PRKG1: variants seen among roughly 807,000 people sequenced by gnomAD.
The protein encoded by PRKG1 is cGMP-dependent protein kinase 1.
A neutral mutation model predicts 88.1 loss-of-function variants in PRKG1; 35 were observed. That is an observed-to-expected ratio of 0.40 (90% CI 0.30 to 0.53). The LOEUF (loss-of-function observed/expected upper bound fraction) is 0.53, where lower values mean the gene tolerates loss of function less well. Ranked by LOEUF, PRKG1 falls within the 20% of genes least tolerant of loss-of-function variation. The probability of loss-of-function intolerance (pLI) is 0.59; values close to 1 mark genes in which losing one functional copy is unlikely to be tolerated. For synonymous variants in PRKG1, 303 were observed against 292.5 expected (o/e 1.04, Z -0.37); for missense variants, 540 against 839.8 (o/e 0.64, Z 4.41).
chr10:52,035,311 G>A (rs1035650498), intron 5 of PRKG1, among the ~76,000 whole-genome samples: 14 of 152,124 alleles, frequency 9.2e-5, no homozygotes, highest in African/African-American at 2.9e-4. Flanking sequence ...CTTGAGCTTG[G>A]TGTGTAGGGA....
At chr10:51,255,366 T>A (rs956388012) in intron 2 of PRKG1, among the ~76,000 whole-genome samples, 1 of 152,132 alleles carries the variant, frequency 6.6e-6, no homozygotes, top group Non-Finnish European at 1.5e-5. Flanking sequence ...CAAGGGCTTG[T>A]GTAGTCCAGG....
intron 9 of PRKG1, among the ~76,000 whole-genome samples, chr10:52,246,470 AT>A (rs1841024141): frequency 6.6e-6 from 1 of 152,152 alleles, no homozygotes; most frequent in Non-Finnish European, 1.5e-5. Flanking sequence ...GTAACTTTAC[AT>A]TTTTATTGTT....
At chr10:51,494,200 G>A (rs61498703) in intron 3 of PRKG1, among the ~76,000 whole-genome samples, 2,613 of 152,230 alleles carry the variant, frequency 0.017, 54 homozygotes, top group African/African-American at 0.044. Context: ...TGGGATTACA[G>A]ACCTGAGGCA....
chr10:51,205,120 T>A (rs1266368218), intron 2 of PRKG1, among the ~76,000 whole-genome samples: 1 of 106,978 alleles, frequency 9.3e-6, no homozygotes, highest in Non-Finnish European at 1.9e-5. Flanking sequence ...AATTTTCATT[T>A]TCTTTTCTTT....
In PRKG1 at chr10:52,209,121, G is replaced by A. The variant is rs1839892072; in HGVS notation, c.1077-42449G>A. ...GTTGCCATTAAGCTTCTCTTACTAA[G>A]AGGAATATTGCCCTGGAGTAGGGGG... On this transcript the variant is annotated intron_variant, in intron 9 of 17. Coordinates refer to ENST00000373980, the MANE Select transcript of PRKG1 (RefSeq NM_006258.4). Among the ~76,000 whole-genome samples, 4 of 152,160 alleles carry A rather than the reference G, an allele frequency of 2.6e-5. No individual in the cohort carries two copies. The South Asian group carries it at 8.3e-4, about 32-fold the overall frequency.
intron 1 of PRKG1, among the ~76,000 whole-genome samples, chr10:51,065,823 A>T (rs901769453): frequency 6.6e-6 from 1 of 152,120 alleles, no homozygotes; most frequent in Non-Finnish European, 1.5e-5. Flanking sequence ...TGGGAGATGT[A>T]TCTATCTAAC....
chr10:52,275,866 G>A (rs1841861375), intron 12 of PRKG1, among the ~76,000 whole-genome samples: 1 of 152,006 alleles, frequency 6.6e-6, no homozygotes, highest in Non-Finnish European at 1.5e-5. Flanking sequence ...GTGTTTTGTA[G>A]TTTTTCTGGT....
At chr10:52,272,677 G>A (rs1169319052) in intron 12 of PRKG1, among the ~76,000 whole-genome samples, 196 bp downstream of exon 12, 1 of 152,012 alleles carries the variant, frequency 6.6e-6, no homozygotes, top group African/African-American at 2.4e-5. Flanking sequence ...AACTCACTTT[G>A]TAACTAACAA....
intron 3 of PRKG1, among the ~76,000 whole-genome samples, chr10:51,497,171 T>C (rs149968215): frequency 2.8e-4 from 42 of 152,294 alleles, no homozygotes; most frequent in African/African-American, 8.4e-4. Context: ...ATTATTGGGA[T>C]AAAATAAAGG....
chr10:51,954,350 G>T (rs946757394), intron 5 of PRKG1, among the ~76,000 whole-genome samples: 4 of 152,182 alleles, frequency 2.6e-5, no homozygotes, highest in African/African-American at 4.8e-5. Context: ...TAGGAACCAA[G>T]AATTAAATTA....
chr10:51,086,786 C>A (rs949921328), intron 1 of PRKG1, among the ~76,000 whole-genome samples: 1 of 152,080 alleles, frequency 6.6e-6, no homozygotes, highest in Admixed American at 6.5e-5. Context: ...CTCGAGTGAC[C>A]CTTTCTCATC....
chr10:51,091,752 C>T (rs1471493017), intron 1 of PRKG1, among the ~76,000 whole-genome samples: 2 of 152,144 alleles, frequency 1.3e-5, no homozygotes, highest in African/African-American at 2.4e-5. Context: ...TTATAGAATA[C>T]TTACGGTGTG....
rs187757783 is a variant in PRKG1, at chr10:51,459,916, G to A, written c.479-7807G>A. On this transcript the variant is annotated intron_variant, in intron 2 of 17. Transcript: ENST00000373980. ...AACCTGATGCTGCCCTTTTATCTAGGTTGTAATTTACATTTGGTGGAAGTT... is the reference window on the plus strand; with the variant it reads ...AACCTGATGCTGCCCTTTTATCTAGATTGTAATTTACATTTGGTGGAAGTT... 3.4e-3 allele frequency among the ~76,000 whole-genome samples: 515 copies of A among 152,224 alleles called. 5 individuals carry two copies. Among genetic ancestry groups the A allele is most frequent in the African/African-American group, 0.012 (495 of 41,534 alleles).
intron 5 of PRKG1, among the ~76,000 whole-genome samples, chr10:52,008,112 G>A (rs1589511462): frequency 6.6e-6 from 1 of 152,044 alleles, no homozygotes; most frequent in East Asian, 1.9e-4. Flanking sequence ...AGAATCTCTG[G>A]GACACAGCTA....
In PRKG1 at chr10:51,019,551, A is replaced by G. The variant is rs373853442; in HGVS notation, c.266+27907A>G. Among the ~76,000 whole-genome samples, 4 of 152,190 alleles carry G rather than the reference A, an allele frequency of 2.6e-5. No homozygotes were observed. The South Asian group carries it at 8.3e-4, about 31-fold the overall frequency. ...CTAAAACCATAAGGCTCTTAGAATA[A>G]AACATATGGGGAAAGCTTCAAAACA... is the stretch of plus-strand genomic sequence containing the variant. On this transcript the variant is annotated intron_variant, in intron 1 of 17. Transcript: ENST00000401604.
chr10:52,197,040 G>C (rs748570246), intron 9 of PRKG1, among the ~76,000 whole-genome samples: 2 of 152,074 alleles, frequency 1.3e-5, no homozygotes, highest in African/African-American at 2.4e-5. Flanking sequence ...CTTTGTGCAG[G>C]TTCACTACAA....
intron 3 of PRKG1, among the ~76,000 whole-genome samples, chr10:51,592,062 C>A (rs1449726799): frequency 1.3e-5 from 2 of 152,140 alleles, no homozygotes; most frequent in Non-Finnish European, 2.9e-5. Flanking sequence ...TCCAGAAGGA[C>A]ACTCTGCAAA....
At chr10:51,727,715 T>C (rs1478297974) in intron 3 of PRKG1, among the ~76,000 whole-genome samples, 1 of 152,152 alleles carries the variant, frequency 6.6e-6, no homozygotes, top group East Asian at 1.9e-4. Flanking sequence ...CTATAAGATT[T>C]ATGTAGTCTA....
intron 2 of PRKG1, among the ~76,000 whole-genome samples, chr10:51,174,680 TA>T (rs1261104638): frequency 1.3e-5 from 2 of 152,034 alleles, no homozygotes; most frequent in African/African-American, 2.4e-5. Context: ...GGTATGGTCT[TA>T]AAGAACTGCT....
Sources: gnomAD v4.1 joint callset for allele counts (sites outside exome capture counted in the v4.1 genomes callset) on GRCh38, gnomAD v4.1.1 for gene constraint, MANE v1.5 for transcripts, NCBI Gene and HGNC (gene_info 2026-07-23, HGNC 2026-07-21) for gene names.